The following FAM120C variants were observed in gnomAD, a reference collection of about 807,000 sequenced individuals.
FAM120C encodes the protein family with sequence similarity 120 member C.
Under a neutral mutation model 71.2 loss-of-function variants are expected in FAM120C, and 14 were observed. The observed-to-expected ratio is 0.20, with a 90% CI of 0.13 to 0.31. The LOEUF is 0.31. Among genes scored for constraint, FAM120C ranks in the 10% least tolerant of loss-of-function variants. The pLI is 1.00. For synonymous variants in FAM120C, 354 were observed against 353.2 expected, an observed-to-expected ratio of 1.00 and a Z score of -0.03; for missense variants, 500 against 879.0, an observed-to-expected ratio of 0.57 and a Z score of 5.45.
chrX:54,179,961 G>A (rs1557137127), intron 1 of FAM120C, among the ~76,000 whole-genome samples: 2 of 112,042 alleles, frequency 1.8e-5, no homozygotes, highest in Non-Finnish European at 3.8e-5. Context: ...TAATTTTACA[G>A]TGAACATCTG....
chrX:54,146,878 T>C (rs1166162373), intron 4 of FAM120C, among the ~76,000 whole-genome samples: 2 of 110,056 alleles, frequency 1.8e-5, no homozygotes, highest in Non-Finnish European at 3.8e-5. Context: ...GGTAATTCAA[T>C]GGGGAAAAGA....
intron 10 of FAM120C, among the ~76,000 whole-genome samples, chrX:54,111,470 A>G (rs1212547812): frequency 9.1e-6 from 1 of 110,475 alleles, no homozygotes; most frequent in Non-Finnish European, 1.9e-5. Flanking sequence ...TATGAAAACC[A>G]GTAGCATTTC....
At position 54,118,704 on chromosome X, in the gene FAM120C, T is replaced by C. The variant is rs1162158994; in HGVS notation, c.2063-1910A>G. 1.3e-4 allele frequency among the ~76,000 whole-genome samples: 11 copies of C among 86,469 alleles called. No homozygotes were observed. The East Asian group carries it at 1.4e-3, about 11-fold the overall frequency. 75.1% of individuals were successfully genotyped at this position (86,469 alleles called of 115,157 possible). On this transcript the variant is annotated intron_variant, in intron 9 of 15. Transcript: ENST00000375180. ...ATTTGTATTTTTCTTTTTTTCTTTTTTTTTTTTTTTTTTTTTTTTTTAATT... is the reference window on the plus strand; with the variant it reads ...ATTTGTATTTTTCTTTTTTTCTTTTCTTTTTTTTTTTTTTTTTTTTTAATT...
chrX:54,165,548 G>A (rs1174653667), intron 1 of FAM120C, among the ~76,000 whole-genome samples: 4 of 110,629 alleles, frequency 3.6e-5, no homozygotes, highest in East Asian at 5.7e-4. Flanking sequence ...AGACCAAGGC[G>A]GGCAGATCAC....
chrX:54,087,962 A>C lies in FAM120C; in HGVS notation c.2430T>G (p.Ile810Met). ...GGATCCCTCGGGCATCCAGTTTCTC[A>C]ATCTGAAACCACCACAGATGAAATA... ...YEPDRLQELK[I>M]EKLDARGIQL... Residue 810 changes from isoleucine to methionine, a missense_variant and splice_region_variant, in exon 12 of 16, where the codon ATT becomes ATG. By Grantham distance (10) the Ile-to-Met change is conservative. Transcript: ENST00000375180. 1 of 1,201,898 alleles carries C rather than the reference A, an allele frequency of 8.3e-7. No individual in the cohort carries two copies. Among genetic ancestry groups the C allele is most frequent in the African/African-American group, 1.7e-5 (1 of 57,584 alleles).
At chrX:54,136,721 G>A (rs1411085335) in intron 4 of FAM120C, 131 bp from the exon 5 acceptor site, 21 of 459,817 alleles carry the variant, frequency 4.6e-5, no homozygotes, top group South Asian at 7.7e-5. Context: ...GCAAATTTTC[G>A]CTTTGCAGAC....
intron 10 of FAM120C, among the ~76,000 whole-genome samples, chrX:54,112,955 G>C (rs2066945659): frequency 9.0e-6 from 1 of 110,883 alleles, no homozygotes; most frequent in Non-Finnish European, 1.9e-5. Flanking sequence ...GGGAGGCGGA[G>C]GTTGTGGTAA....
chrX:54,126,830 G>A (rs1211673676), intron 9 of FAM120C, among the ~76,000 whole-genome samples: 1 of 113,037 alleles, frequency 8.8e-6, no homozygotes, highest in Non-Finnish European at 1.9e-5. Context: ...TTTATATATT[G>A]CTGAATTCCC....
chrX:54,132,208 A>C (rs2146608597), intron 9 of FAM120C, among the ~76,000 whole-genome samples: 1 of 110,330 alleles, frequency 9.1e-6, no homozygotes, highest in African/African-American at 3.3e-5. Flanking sequence ...CGTGTACACA[A>C]CCACGCCTAA....
chrX:54,109,979 T>C (rs1221164358), intron 10 of FAM120C, among the ~76,000 whole-genome samples: 1 of 108,420 alleles, frequency 9.2e-6, no homozygotes, highest in Non-Finnish European at 1.9e-5. Context: ...GAAGACAACA[T>C]TATAGAAGTA....
chrX:54,099,263 AC>A (rs2066870800), intron 10 of FAM120C, among the ~76,000 whole-genome samples: 1 of 110,135 alleles, frequency 9.1e-6, no homozygotes, highest in Non-Finnish European at 1.9e-5. Context: ...CGATTTTCAC[AC>A]CTCGGCCACC....
chrX:54,164,992 T>C (rs1049968369), intron 1 of FAM120C, among the ~76,000 whole-genome samples: 1 of 111,664 alleles, frequency 9.0e-6, no homozygotes, highest in Admixed American at 9.6e-5. Flanking sequence ...GGTTTTGATT[T>C]GCATTTCTTG....
At chrX:54,100,212 T>C (rs1274069211) in intron 10 of FAM120C, among the ~76,000 whole-genome samples, 1 of 107,128 alleles carries the variant, frequency 9.3e-6, no homozygotes, top group Non-Finnish European at 1.9e-5. Context: ...TGGCCATGGG[T>C]TGGGCGCGGT....
chrX:54,109,934 G>A (rs1173913877), intron 10 of FAM120C, among the ~76,000 whole-genome samples: 2 of 108,999 alleles, frequency 1.8e-5, no homozygotes, highest in African/African-American at 6.7e-5. Context: ...CTCACAGCAT[G>A]TACAAAATAT....
At chrX:54,110,833 G>A (rs1245932668) in intron 10 of FAM120C, among the ~76,000 whole-genome samples, 1 of 111,152 alleles carries the variant, frequency 9.0e-6, no homozygotes, top group African/African-American at 3.3e-5. Flanking sequence ...GCTGAGGCGG[G>A]AGGATCACTT....
intron 10 of FAM120C, among the ~76,000 whole-genome samples, chrX:54,115,974 G>A (rs192872604): frequency 1.8e-5 from 2 of 110,993 alleles, no homozygotes; most frequent in Admixed American, 1.9e-4. Flanking sequence ...CCAGCTACTT[G>A]GGAGGCTGAG....
At position 54,116,627 on chromosome X, in the gene FAM120C, C is replaced by T; in HGVS notation, c.2230G>A (p.Ala744Thr). The change falls in exon 10 of 16, where the codon GCC becomes ACC. Residue 744 changes from alanine (A) to threonine (T), a missense_variant. Transcript: ENST00000375180. ...CTGGGCGTGTCCGACTTCATACAGGCCAGGAAGGCCCGCATCCTTCTGTTC... is the reference window on the plus strand; with the variant it reads ...CTGGGCGTGTCCGACTTCATACAGGTCAGGAAGGCCCGCATCCTTCTGTTC... ...DKNRRMRAFL[A>T]CMKSDTPSML... is the part of the protein sequence containing the mutation. 1 of 1,211,437 alleles carries T rather than the reference C, an allele frequency of 8.3e-7. No individual in the cohort carries two copies. The highest frequency in any genetic ancestry group is 1.8e-5 in the South Asian group (1 of 56,949).
chrX:54,110,011 C>CTTTTT (rs782078837), intron 10 of FAM120C, among the ~76,000 whole-genome samples: 7 of 61,437 alleles, frequency 1.1e-4, no homozygotes, highest in Non-Finnish European at 1.6e-4. Context: ...AGAAAAATAT[C>CTTTTT]TTTTTTTTTT....
Position 54,097,876 on chromosome X carries a change from G to A in FAM120C, c.2313-6450C>T, listed in dbSNP as rs781887284. The stretch of plus-strand genomic sequence containing the variant: ...CGAATAGCTGGGACTACAGGCGCCC[G>A]CTACCACGCCCGGCTAATTTTTTGT... On this transcript the variant is annotated intron_variant, in intron 10 of 15. Transcript: ENST00000375180. Among the ~76,000 whole-genome samples the A allele has an allele frequency of 2.7e-5, 3 of 109,433 alleles. No individual in the cohort carries two copies. The South Asian group carries it at 1.2e-3, about 43-fold the overall frequency.
Sources: allele counts gnomAD v4.1 joint callset (sites outside exome capture counted in the v4.1 genomes callset), GRCh38; gene constraint gnomAD v4.1.1; transcripts MANE v1.5; gene names NCBI Gene and HGNC (gene_info 2026-07-23, HGNC 2026-07-21).